Variants in BABAM2 observed in about 807,000 individuals in gnomAD.
BABAM2 encodes the protein BRISC and BRCA1-A complex member 2.
In BABAM2, 31 loss-of-function variants were observed where a neutral mutation model predicts 54.7. That is an observed-to-expected ratio of 0.57 (90% confidence interval 0.43 to 0.77). The LOEUF (loss-of-function observed/expected upper bound fraction) is 0.77. Ranked by LOEUF, BABAM2 falls within the 30% of genes least tolerant of loss-of-function variation. The pLI, the probability that BABAM2 is intolerant of heterozygous loss-of-function variation, is 0.00. For missense variants in BABAM2, 364 were observed against 455.8 expected (o/e 0.80, Z 1.83); for synonymous variants, 167 against 162.9 (o/e 1.03, Z -0.19).
intron 7 of BABAM2, among the ~76,000 whole-genome samples, chr2:28,218,502 A>T (rs1680112644): frequency 6.6e-6 from 1 of 152,070 alleles, no homozygotes; most frequent in Non-Finnish European, 1.5e-5. Context: ...TTGTTCCTTA[A>T]TTTGGGTTCA....
chr2:27,909,232 A>G (rs750597245), intron 2 of BABAM2, among the ~76,000 whole-genome samples: 43 of 151,384 alleles, frequency 2.8e-4, no homozygotes, highest in Admixed American at 1.1e-3. Flanking sequence ...TTTTGTAGAG[A>G]TAGGGTCTTG....
At chr2:28,045,928 C>T in intron 6 of BABAM2, 129 bp downstream of exon 6, 3 of 721,562 alleles carry the variant, frequency 4.2e-6, no homozygotes, top group Non-Finnish European at 6.3e-6. Context: ...ATATTTCTTA[C>T]ATGAAGTTCC....
At chr2:28,009,050 A>G (rs1020069780) in intron 4 of BABAM2, among the ~76,000 whole-genome samples, 1 of 152,170 alleles carries the variant, frequency 6.6e-6, no homozygotes, top group Non-Finnish European at 1.5e-5. Context: ...AATGGATTGT[A>G]TGTGAAGGTC....
At chr2:28,236,016 C>G (rs1681875400) in intron 7 of BABAM2, among the ~76,000 whole-genome samples, 2 of 152,218 alleles carry the variant, frequency 1.3e-5, no homozygotes, top group Non-Finnish European at 1.5e-5. Flanking sequence ...CTTTTTCTTC[C>G]ACTTACAACC....
chr2:28,221,679 G>T (rs1680435662), intron 7 of BABAM2, among the ~76,000 whole-genome samples: 1 of 152,120 alleles, frequency 6.6e-6, no homozygotes, highest in Non-Finnish European at 1.5e-5. Flanking sequence ...CTCCCCTGTT[G>T]TTGATTGAAA....
chr2:28,160,742 T>G lies in BABAM2; in HGVS notation c.680+31362T>G, dbSNP rs550184213. ...GAAAGGAACATATAAATTGTTTTTT[T>G]TTTTTTTTTTTAAATAAAGAGTAGG... On this transcript the variant is annotated intron_variant, in intron 7 of 11. Coordinates refer to ENST00000379624, the MANE Select transcript of BABAM2 (RefSeq NM_199191.3). 4.4e-4 allele frequency among the ~76,000 whole-genome samples: 67 copies of G among 151,574 alleles called. 1 individual carries two copies. The highest frequency in any genetic ancestry group is 3.2e-4 in the Non-Finnish European group (22 of 67,870).
intron 6 of BABAM2, among the ~76,000 whole-genome samples, chr2:28,125,173 G>A (rs190508240): frequency 8.2e-4 from 125 of 152,312 alleles, no homozygotes; most frequent in African/African-American, 2.8e-3. Context: ...ATTTTAAAGA[G>A]TGGTAACAGC....
chr2:27,900,839 C>G (rs528032154), intron 2 of BABAM2, among the ~76,000 whole-genome samples: 1 of 151,974 alleles, frequency 6.6e-6, no homozygotes, highest in Non-Finnish European at 1.5e-5. Flanking sequence ...GTCAGGAGAT[C>G]GAGGTCATCC....
At chr2:28,148,478 G>A (rs79526187) in intron 7 of BABAM2, among the ~76,000 whole-genome samples, 3,174 of 152,320 alleles carry the variant, frequency 0.021, 55 homozygotes, top group South Asian at 0.031. Context: ...TGTACTGAAG[G>A]AGTCCATCAA....
intron 7 of BABAM2, among the ~76,000 whole-genome samples, chr2:28,197,767 A>G (rs1056272833): frequency 2.0e-5 from 3 of 152,210 alleles, no homozygotes; most frequent in Non-Finnish European, 4.4e-5. Context: ...CTAGCTAAAA[A>G]TCTGGAAATG....
chr2:27,969,516 C>T (rs781472265), intron 3 of BABAM2, among the ~76,000 whole-genome samples: 2 of 152,202 alleles, frequency 1.3e-5, no homozygotes, highest in Non-Finnish European at 2.9e-5. Flanking sequence ...CATCCACCCT[C>T]ATCCTTCATT....
At chr2:28,285,399 A>T (rs1686707411) in intron 10 of BABAM2, among the ~76,000 whole-genome samples, 1 of 152,118 alleles carries the variant, frequency 6.6e-6, no homozygotes, top group Non-Finnish European at 1.5e-5. Context: ...TCCCCATTCC[A>T]CACATTCTAG....
intron 2 of BABAM2, among the ~76,000 whole-genome samples, chr2:27,915,798 C>G (rs1440025253): frequency 6.6e-6 from 1 of 152,112 alleles, no homozygotes; most frequent in East Asian, 1.9e-4. Context: ...ATCTAATTCT[C>G]TATTTTTGGC....
At chr2:27,912,726 C>A (rs540302634) in intron 2 of BABAM2, among the ~76,000 whole-genome samples, 1 of 152,060 alleles carries the variant, frequency 6.6e-6, no homozygotes, top group Non-Finnish European at 1.5e-5. Flanking sequence ...ATTGGATGAC[C>A]CCTTCAAACT....
intron 7 of BABAM2, among the ~76,000 whole-genome samples, chr2:28,220,678 C>T (rs1448156705): frequency 6.6e-6 from 1 of 152,140 alleles, no homozygotes; most frequent in Admixed American, 6.5e-5. Flanking sequence ...CCTGTAATCA[C>T]AGTACTTTGG....
chr2:27,929,898 G>A lies in BABAM2; in HGVS notation c.195G>A (p.Glu65=), dbSNP rs761312063. ...RFKLHIPYAG[E]TLKWDIIFNA... The stretch of plus-strand genomic sequence containing the variant: ...AACTGCACATACCATATGCTGGAGA[G>A]ACATTAAAGTGTAAGTAAATGATGA... Residue 65 remains glutamate (E), a synonymous_variant, in exon 3 of 12, where the codon GAG becomes GAA. Transcript: ENST00000379624. 81 of 1,611,552 alleles carry A rather than the reference G, an allele frequency of 5.0e-5. No individual in the cohort carries two copies. The highest frequency in any genetic ancestry group is 2.7e-4 in the Admixed American group (16 of 60,002).
intron 5 of BABAM2, among the ~76,000 whole-genome samples, chr2:28,039,343 G>T (rs1273395100): frequency 6.6e-6 from 1 of 152,170 alleles, no homozygotes; most frequent in African/African-American, 2.4e-5. Flanking sequence ...ATAATTAAAT[G>T]ACATATCTTA....
At chr2:28,181,980 G>A (rs1346504097) in intron 7 of BABAM2, among the ~76,000 whole-genome samples, 2 of 152,062 alleles carry the variant, frequency 1.3e-5, no homozygotes, top group East Asian at 3.9e-4. Flanking sequence ...CCAGGGCGGA[G>A]AATCTGTGAG....
chr2:28,292,837 C>T (rs1300167391), intron 10 of BABAM2, among the ~76,000 whole-genome samples: 1 of 152,220 alleles, frequency 6.6e-6, no homozygotes, highest in South Asian at 2.1e-4. Context: ...ATATCCAGCA[C>T]TGTCAGACTC....
Sources: allele counts gnomAD v4.1 joint callset (sites outside exome capture counted in the v4.1 genomes callset), GRCh38; gene constraint gnomAD v4.1.1; transcripts MANE v1.5; gene names NCBI Gene and HGNC (gene_info 2026-07-23, HGNC 2026-07-21).